The following CCDC91 variants were observed in gnomAD, a reference collection of about 807,000 sequenced individuals.
CCDC91 encodes the protein coiled-coil domain-containing protein 91.
Under a neutral mutation model 63.2 loss-of-function variants are expected in CCDC91, and 48 were observed. That is an observed-to-expected ratio of 0.76 (90% CI 0.60 to 0.97). The LOEUF (loss-of-function observed/expected upper bound fraction) is 0.97. CCDC91 is among the 50% of genes least tolerant of loss of function. The probability of loss-of-function intolerance (pLI) is 0.00; values close to 1 mark genes in which losing one functional copy is unlikely to be tolerated. For synonymous variants in CCDC91, 167 were observed against 165.8 expected, an observed-to-expected ratio of 1.01 and a Z score of -0.06; for missense variants, 500 against 494.6, an observed-to-expected ratio of 1.01 and a Z score of -0.10.
intron 7 of CCDC91, among the ~76,000 whole-genome samples, chr12:28,379,462 A>G (rs1730775964): frequency 6.6e-6 from 1 of 151,572 alleles, no homozygotes; most frequent in Admixed American, 6.6e-5. Flanking sequence ...CAAAAAAAAA[A>G]AAAAAAACCA....
At chr12:28,200,278 TTTTA>T (rs1023208091) in intron 1 of CCDC91, among the ~76,000 whole-genome samples, 28 of 151,412 alleles carry the variant, frequency 1.8e-4, no homozygotes, top group South Asian at 4.2e-4. Context: ...CTATGTTTCT[TTTTA>T]TTTATTTATT....
chr12:28,402,395 A>C (rs1053317139), intron 8 of CCDC91, among the ~76,000 whole-genome samples: 2 of 152,134 alleles, frequency 1.3e-5, no homozygotes, highest in African/African-American at 4.8e-5. Flanking sequence ...GAAGGATGCT[A>C]AATGTTAATG....
At chr12:28,520,780 T>C (rs1206418018) in intron 12 of CCDC91, among the ~76,000 whole-genome samples, 1 of 152,240 alleles carries the variant, frequency 6.6e-6, no homozygotes, top group African/African-American at 2.4e-5. Context: ...AGTTTCAGCT[T>C]TCTACATATG....
chr12:28,324,533 A>G (rs1009373625), intron 6 of CCDC91, among the ~76,000 whole-genome samples: 5 of 151,954 alleles, frequency 3.3e-5, no homozygotes, highest in African/African-American at 9.7e-5. Flanking sequence ...TCTCGAATCC[A>G]ATATTCATGC....
chr12:28,287,237 T>G (rs1948968411), intron 3 of CCDC91, among the ~76,000 whole-genome samples: 1 of 152,232 alleles, frequency 6.6e-6, no homozygotes, highest in Admixed American at 6.5e-5. Context: ...CAGTTTTTGC[T>G]TTTGTTGCAA....
intron 3 of CCDC91, among the ~76,000 whole-genome samples, chr12:28,267,270 A>G (rs1029412462): frequency 1.3e-5 from 2 of 151,812 alleles, no homozygotes; most frequent in Admixed American, 1.3e-4. Context: ...AGTGTATTAT[A>G]TATACATAGT....
At position 28,346,887 on chromosome 12, in the gene CCDC91, C is replaced by T. The variant is rs116884037; in HGVS notation, c.577-15551C>T. On this transcript the variant is annotated intron_variant, in intron 6 of 12. Transcript: ENST00000536442. ...TGTTGGGGGACGGGACTGAATGTCCCGAACCTCTAATCCTGCCTTGGTCTT... is the reference window on the plus strand; with the variant it reads ...TGTTGGGGGACGGGACTGAATGTCCTGAACCTCTAATCCTGCCTTGGTCTT... Among the ~76,000 whole-genome samples the T allele has an allele frequency of 1.2e-4, 18 of 152,254 alleles. No homozygotes were observed. The Middle Eastern group carries it at 0.017, about 144-fold the overall frequency.
At chr12:28,408,066 A>G (rs761266272) in intron 8 of CCDC91, among the ~76,000 whole-genome samples, 1 of 151,524 alleles carries the variant, frequency 6.6e-6, no homozygotes, top group East Asian at 2.0e-4. Context: ...TGCTGTACCT[A>G]TCAACCCGTC....
chr12:28,313,766 C>A (rs1398744009), intron 6 of CCDC91, among the ~76,000 whole-genome samples: 1 of 151,936 alleles, frequency 6.6e-6, no homozygotes, highest in Non-Finnish European at 1.5e-5. Context: ...TGTAGCCTAA[C>A]CAGAGGAAGA....
chr12:28,311,873 A>C (rs186609533), intron 6 of CCDC91, among the ~76,000 whole-genome samples: 151 of 151,962 alleles, frequency 9.9e-4, no homozygotes, highest in African/African-American at 3.2e-3. Flanking sequence ...GTTGCTGGCT[A>C]TTCCACTCCC....
At chr12:28,264,537 GTATA>G (rs1475093646) in intron 3 of CCDC91, among the ~76,000 whole-genome samples, 2 of 147,424 alleles carry the variant, frequency 1.4e-5, no homozygotes, top group Non-Finnish European at 3.0e-5. Context: ...ATGTATATAT[GTATA>G]TATATGTGTA....
At chr12:28,548,702 A>G (rs984577632) in intron 12 of CCDC91, among the ~76,000 whole-genome samples, 1 of 151,916 alleles carries the variant, frequency 6.6e-6, no homozygotes, top group African/African-American at 2.4e-5. Flanking sequence ...TGTGCTATGT[A>G]CTTATTTTGT....
intron 6 of CCDC91, among the ~76,000 whole-genome samples, chr12:28,328,495 G>T (rs1432769105): frequency 6.6e-6 from 1 of 152,140 alleles, no homozygotes; most frequent in African/African-American, 2.4e-5. Context: ...TTTTCAGATT[G>T]CCAATTTAGA....
intron 1 of CCDC91, among the ~76,000 whole-genome samples, chr12:28,219,148 T>C (rs1400100020): frequency 6.6e-6 from 1 of 152,214 alleles, no homozygotes; most frequent in Non-Finnish European, 1.5e-5. Flanking sequence ...TTTTAGTAGA[T>C]TGTACTGGTA....
At chr12:28,355,875 A>G (rs976209831) in intron 6 of CCDC91, among the ~76,000 whole-genome samples, 2 of 152,162 alleles carry the variant, frequency 1.3e-5, no homozygotes, top group African/African-American at 4.8e-5. Context: ...CAGTGATTAA[A>G]ATTAGTCTTT....
At chr12:28,241,223 A>G (rs185565602) in intron 1 of CCDC91, among the ~76,000 whole-genome samples, 104 of 152,254 alleles carry the variant, frequency 6.8e-4, no homozygotes, top group Middle Eastern at 6.8e-3. Flanking sequence ...TCTTTTGTCT[A>G]TTGAAAAGAA....
At chr12:28,305,858 G>T in intron 4 of CCDC91, 52 bp downstream of exon 4, 1 of 1,438,248 alleles carries the variant, frequency 7.0e-7, no homozygotes, top group East Asian at 2.4e-5. Flanking sequence ...AAAATTGCCT[G>T]CTAATTTAAT....
chr12:28,290,483 A>G (rs924431011), intron 3 of CCDC91, among the ~76,000 whole-genome samples: 3 of 152,108 alleles, frequency 2.0e-5, no homozygotes, highest in African/African-American at 4.8e-5. Flanking sequence ...CCTTTTAATT[A>G]AGGCATTTAG....
intron 12 of CCDC91, among the ~76,000 whole-genome samples, chr12:28,507,739 C>T (rs1164199464): frequency 6.6e-6 from 1 of 151,936 alleles, no homozygotes; most frequent in Admixed American, 6.6e-5. Context: ...TACAGTCTTA[C>T]CAGTTTGCCT....
Sources: allele counts gnomAD v4.1 joint callset (sites outside exome capture counted in the v4.1 genomes callset), GRCh38; gene constraint gnomAD v4.1.1; transcripts MANE v1.5; gene names NCBI Gene and HGNC (gene_info 2026-07-23, HGNC 2026-07-21).